HHLA1: variants seen among roughly 807,000 people sequenced by gnomAD.
The protein encoded by HHLA1 is HERV-H LTR-associating protein 1.
HHLA1 carries 72 observed loss-of-function variants against 69.9 expected under a neutral mutation model. That is an observed-to-expected ratio of 1.03 (90% CI 0.85 to 1.25). HHLA1 has a LOEUF of 1.25. Ranked by LOEUF, HHLA1 falls within the 50% of genes most tolerant of loss-of-function variation. The pLI is 0.00. For missense variants in HHLA1, 685 were observed against 642.2 expected (o/e 1.07, Z -0.72); for synonymous variants, 252 against 233.2 (o/e 1.08, Z -0.73).
rs897858478 is a variant in HHLA1 at position 132,077,820 on chromosome 8, C to A, written c.1077G>T (p.Gly359=). The change falls in exon 12 of 17, where the codon GGG becomes GGT. Residue 359 remains glycine (G), a synonymous_variant. Coordinates refer to ENST00000414222, the MANE Select transcript of HHLA1 (RefSeq NM_001145095.3). ...ETRSSPPTTA[G]TEEAMNTTSL... Reference sequence around the variant, plus strand: ...TTGTAGTGTTCATGGCTTCCTCGGTCCCTGCAGTAGTCGGTGGGGAAGAAC... The same window carrying A: ...TTGTAGTGTTCATGGCTTCCTCGGTACCTGCAGTAGTCGGTGGGGAAGAAC... 14 of 1,551,498 alleles carry A rather than the reference C, an allele frequency of 9.0e-6. No individual in the cohort carries two copies. The African/African-American group carries it at 1.9e-4, about 21-fold the overall frequency.
At chr8:132,070,012 GGGGGGGGGGGGGA>G (rs200132447) in intron 15 of HHLA1, 15,619 of 42,890 alleles carry the variant, frequency 0.36, 4,569 homozygotes, top group East Asian at 0.6. Flanking sequence ...TCGTACTGAC[GGGGGGGGGGGGGA>G]GGGGGATGAA....
intron 10 of HHLA1, among the ~76,000 whole-genome samples, chr8:132,084,858 T>C (rs1243379780): frequency 6.7e-6 from 1 of 150,282 alleles, no homozygotes; most frequent in Non-Finnish European, 1.5e-5. Context: ...GAGGTTGGGG[T>C]GTGGAAATAA....
intron 1 of HHLA1, among the ~76,000 whole-genome samples, chr8:132,108,494 A>C (rs1824242156): frequency 6.6e-6 from 1 of 152,170 alleles, no homozygotes; most frequent in Non-Finnish European, 1.5e-5. Flanking sequence ...TACATTTCTC[A>C]TGACTATTAT....
At chr8:132,067,540 G>A (rs890696395) in intron 15 of HHLA1, among the ~76,000 whole-genome samples, 2 of 152,068 alleles carry the variant, frequency 1.3e-5, no homozygotes, top group African/African-American at 4.8e-5. Flanking sequence ...AGCTGACATG[G>A]CCACTAGATA....
intron 5 of HHLA1, 34 bp from the exon 6 acceptor site, chr8:132,095,820 A>T (rs1824017412): frequency 3.0e-6 from 4 of 1,354,922 alleles, no homozygotes; most frequent in South Asian, 1.3e-5. Flanking sequence ...AGACAGACAG[A>T]TGCCTACTAA....
chr8:132,065,472 CG>C (rs1201851042), intron 16 of HHLA1, among the ~76,000 whole-genome samples: 1 of 152,160 alleles, frequency 6.6e-6, no homozygotes, highest in Non-Finnish European at 1.5e-5. Flanking sequence ...TTAGTAGAGA[CG>C]GGGTTTCACC....
chr8:132,100,170 G>C, intron 3 of HHLA1, 36 bp from the exon 4 acceptor site: 4 of 1,450,890 alleles, frequency 2.8e-6, no homozygotes, highest in Non-Finnish European at 3.8e-6. Context: ...AAAAATGTGA[G>C]TGGTCCAGTT....
chr8:132,110,713 A>G (rs2403733), intron 1 of HHLA1, among the ~76,000 whole-genome samples: 14,457 of 152,232 alleles, frequency 0.095, 964 homozygotes, highest in African/African-American at 0.16. Flanking sequence ...AGGAAATATA[A>G]CTTTTTAGCT....
chr8:132,087,617 G>C (rs1411385882), intron 10 of HHLA1, 36 bp downstream of exon 10: 1 of 1,394,888 alleles, frequency 7.2e-7, no homozygotes, highest in East Asian at 2.5e-5. Flanking sequence ...CTGGTCTGGA[G>C]AGTCTATGGG....
chr8:132,068,663 G>A (rs1823479806), intron 15 of HHLA1, among the ~76,000 whole-genome samples: 1 of 152,202 alleles, frequency 6.6e-6, no homozygotes, highest in Admixed American at 6.5e-5. Context: ...GCCCCTTGTA[G>A]GTATGTCTAT....
At chr8:132,086,197 T>G (rs1187908125) in intron 10 of HHLA1, among the ~76,000 whole-genome samples, 1 of 152,102 alleles carries the variant, frequency 6.6e-6, no homozygotes, top group Non-Finnish European at 1.5e-5. Flanking sequence ...TAGGGAAGGC[T>G]CAAGAGGTGG....
intron 15 of HHLA1, chr8:132,070,178 C>T (rs1053973948): frequency 2.4e-5 from 14 of 578,296 alleles, no homozygotes; most frequent in Non-Finnish European, 4.0e-5. Flanking sequence ...ATCCAGGCCA[C>T]TGGAGCAGGA....
At chr8:132,073,696 C>G (rs949291843) in intron 14 of HHLA1, among the ~76,000 whole-genome samples, 5 of 152,152 alleles carry the variant, frequency 3.3e-5, no homozygotes, top group Non-Finnish European at 5.9e-5. Context: ...ATTTCCATGT[C>G]CCTTGCCCCA....
chr8:132,111,054 G>A (rs1824287200), intron 1 of HHLA1, 48 bp downstream of exon 1: 2 of 152,182 alleles, frequency 1.3e-5, no homozygotes, highest in South Asian at 4.1e-4. Context: ...GCTTTGAAGA[G>A]GAGGAGGAAC....
At chr8:132,104,018 G>T in intron 3 of HHLA1, 90 bp downstream of exon 3, 2 of 836,742 alleles carry the variant, frequency 2.4e-6, no homozygotes, top group Non-Finnish European at 4.0e-6. Context: ...TATAATCGCT[G>T]TCTTATCAGT....
chr8:132,073,531 A>G (rs1352388135), intron 14 of HHLA1, among the ~76,000 whole-genome samples: 1 of 152,186 alleles, frequency 6.6e-6, no homozygotes, highest in African/African-American at 2.4e-5. Flanking sequence ...AGTAGACATC[A>G]GAAGTATACA....
At chr8:132,080,080 A>C in intron 10 of HHLA1, 114 bp from the exon 11 acceptor site, 1 of 1,355,332 alleles carries the variant, frequency 7.4e-7, no homozygotes, top group Non-Finnish European at 1.0e-6. Flanking sequence ...CCTTTCTCTA[A>C]TTAAAAGTAT....
In HHLA1 at chr8:132,094,039, G is replaced by A. The variant is rs191712412; in HGVS notation, c.448+1480C>T. Among the ~76,000 whole-genome samples, 570 of 152,228 alleles carry A rather than the reference G, an allele frequency of 3.7e-3. 3 individuals are homozygous for A. The highest frequency in any genetic ancestry group is 3.8e-3 in the Non-Finnish European group (257 of 68,018). ...TAATCTGAAACAGGGAAGAGTTTAC[G>A]CACAAAGATGTCCAAGGCAAAATTA... On this transcript the variant is annotated intron_variant, in intron 7 of 16. Transcript: ENST00000414222.
At chr8:132,096,500 CAAAG>C (rs559887313) in intron 5 of HHLA1, among the ~76,000 whole-genome samples, 336 of 151,964 alleles carry the variant, frequency 2.2e-3, no homozygotes, top group African/African-American at 7.7e-3. Context: ...GTCTACTACA[CAAAG>C]AAAGGGGATT....
Sources: allele counts gnomAD v4.1 joint callset (sites outside exome capture counted in the v4.1 genomes callset), GRCh38; gene constraint gnomAD v4.1.1; transcripts MANE v1.5; gene names NCBI Gene and HGNC (gene_info 2026-07-23, HGNC 2026-07-21).